Variants in TAFA2 observed in about 807,000 individuals in gnomAD.
TAFA2 encodes TAFA chemokine like family member 2, also known as chemokine-like protein TAFA-2.
A neutral mutation model predicts 18.8 loss-of-function variants in TAFA2; 7 were observed. The observed-to-expected ratio is 0.37, with a 90% CI of 0.21 to 0.70. The LOEUF (loss-of-function observed/expected upper bound fraction) is 0.70, where lower values mean the gene tolerates loss of function less well. Among genes scored for constraint, TAFA2 ranks in the 30% least tolerant of loss-of-function variants. The pLI, the probability that TAFA2 is intolerant of heterozygous loss-of-function variation, is 0.53. For synonymous variants in TAFA2, 60 were observed against 54.2 expected (o/e 1.11, Z -0.47); for missense variants, 122 against 158.1 (o/e 0.77, Z 1.23).
chr12:61,881,029 G>C (rs78072708), intron 1 of TAFA2, among the ~76,000 whole-genome samples: 4,026 of 152,046 alleles, frequency 0.026, 164 homozygotes, highest in East Asian at 0.12. Flanking sequence ...AAAAGAGTTT[G>C]ATAATGAAAA....
chr12:61,834,846 T>C (rs1011902285), intron 2 of TAFA2, among the ~76,000 whole-genome samples: 1 of 152,104 alleles, frequency 6.6e-6, no homozygotes, highest in African/African-American at 2.4e-5. Context: ...AAATTGATAA[T>C]ATTGCATAAC....
chr12:61,933,991 G>A (rs180977137), intron 1 of TAFA2, among the ~76,000 whole-genome samples: 62 of 152,252 alleles, frequency 4.1e-4, no homozygotes, highest in African/African-American at 1.2e-3. Context: ...AATTAGCATC[G>A]AATTTTATTT....
At chr12:61,857,524 C>A (rs539476753) in intron 2 of TAFA2, among the ~76,000 whole-genome samples, 1 of 152,104 alleles carries the variant, frequency 6.6e-6, no homozygotes, top group Non-Finnish European at 1.5e-5. Context: ...AAACATTTAG[C>A]TTTCTATATC....
At chr12:61,837,389 G>C (rs1480049731) in intron 2 of TAFA2, among the ~76,000 whole-genome samples, 1 of 151,914 alleles carries the variant, frequency 6.6e-6, no homozygotes, top group Non-Finnish European at 1.5e-5. Context: ...GTTCTTTAGA[G>C]ACATCATAAC....
intron 1 of TAFA2, among the ~76,000 whole-genome samples, chr12:62,167,641 C>T (rs920903469): frequency 2.6e-5 from 4 of 152,144 alleles, no homozygotes; most frequent in African/African-American, 9.7e-5. Context: ...TAAAAGTTCA[C>T]ATATCCTAGT....
intron 1 of TAFA2, among the ~76,000 whole-genome samples, chr12:61,964,735 G>C (rs1459589102): frequency 2.6e-5 from 4 of 151,722 alleles, no homozygotes; most frequent in Non-Finnish European, 5.9e-5. Context: ...TATTAATTTT[G>C]TACTTTCTGC....
At chr12:62,044,527 GT>G (rs1164747563) in intron 1 of TAFA2, among the ~76,000 whole-genome samples, 2 of 152,090 alleles carry the variant, frequency 1.3e-5, no homozygotes, top group Non-Finnish European at 2.9e-5. Context: ...CACCAGGCAG[GT>G]GTCAGCGTGG....
At chr12:62,202,703 ACTTTGTCT>A (rs754159590) in intron 1 of TAFA2, among the ~76,000 whole-genome samples, 2 of 151,010 alleles carry the variant, frequency 1.3e-5, no homozygotes, top group Non-Finnish European at 2.9e-5. Flanking sequence ...AGATCCTGGT[ACTTTGTCT>A]CTTTGTTCTG....
chr12:62,219,591 C>T (rs2062751960), intron 1 of TAFA2, among the ~76,000 whole-genome samples: 2 of 152,172 alleles, frequency 1.3e-5, no homozygotes, highest in East Asian at 3.9e-4. Context: ...ATAAAAGAAA[C>T]TTATTTTCTA....
At chr12:61,995,642 A>G (rs2136694016) in intron 1 of TAFA2, among the ~76,000 whole-genome samples, 1 of 152,264 alleles carries the variant, frequency 6.6e-6, no homozygotes, top group African/African-American at 2.4e-5. Flanking sequence ...ATTATGTGCA[A>G]GATTTAAGGG....
intron 1 of TAFA2, among the ~76,000 whole-genome samples, chr12:62,126,317 G>C (rs766821610): frequency 5.3e-5 from 8 of 152,034 alleles, no homozygotes; most frequent in Non-Finnish European, 8.8e-5. Context: ...ATCAGCTGTT[G>C]GGAGACAATT....
chr12:62,031,117 C>T (rs543834799), intron 1 of TAFA2, among the ~76,000 whole-genome samples: 2 of 152,158 alleles, frequency 1.3e-5, no homozygotes, highest in East Asian at 3.9e-4. Flanking sequence ...TACTGAGTGT[C>T]AATTTGATTG....
At chr12:61,735,085 C>T (rs987390048) in intron 4 of TAFA2, among the ~76,000 whole-genome samples, 1 of 151,910 alleles carries the variant, frequency 6.6e-6, no homozygotes, top group Non-Finnish European at 1.5e-5. Flanking sequence ...TTAGAGTTAA[C>T]CAATTCTTGT....
intron 2 of TAFA2, among the ~76,000 whole-genome samples, chr12:61,805,173 AT>A (rs1871559723): frequency 6.6e-6 from 1 of 151,932 alleles, no homozygotes; most frequent in Non-Finnish European, 1.5e-5. Flanking sequence ...ATTTTTTAGG[AT>A]TATTTAATAA....
intron 1 of TAFA2, among the ~76,000 whole-genome samples, chr12:61,978,592 C>G (rs117330873): frequency 6.6e-6 from 1 of 151,996 alleles, no homozygotes; most frequent in Non-Finnish European, 1.5e-5. Flanking sequence ...AACTGGATTT[C>G]CTCTTGGTTC....
intron 1 of TAFA2, among the ~76,000 whole-genome samples, chr12:61,982,789 A>G (rs1879681249): frequency 1.3e-5 from 2 of 151,536 alleles, no homozygotes; most frequent in African/African-American, 4.8e-5. Flanking sequence ...TGAGATGAGT[A>G]GTCATGAAAC....
intron 2 of TAFA2, among the ~76,000 whole-genome samples, chr12:61,775,298 C>G (rs1870209021): frequency 6.6e-6 from 1 of 151,830 alleles, no homozygotes; most frequent in Admixed American, 6.6e-5. Flanking sequence ...AGCAATAGTG[C>G]TCTTTGGTAC....
In TAFA2 at chr12:61,932,282, T is replaced by G. The variant is rs533808715; in HGVS notation, c.-1-64856A>C. On this transcript the variant is annotated intron_variant, in intron 1 of 4. Transcript: ENST00000416284. ...AAAAGATAAGGTGAGATGATGCACA[T>G]TCCTTTTTGAATGTGTTCAGATTTT... Among the ~76,000 whole-genome samples the G allele has an allele frequency of 1.9e-4, 29 of 152,354 alleles. No individual in the cohort carries two copies. In the South Asian group the frequency reaches 5.8e-3, roughly 30 times the overall value.
chr12:61,810,149 G>C (rs1871804962), intron 2 of TAFA2, among the ~76,000 whole-genome samples: 1 of 151,334 alleles, frequency 6.6e-6, no homozygotes, highest in South Asian at 2.1e-4. Flanking sequence ...CCCAAATACT[G>C]ATAAATGCAT....
Sources: gnomAD v4.1 joint callset for allele counts (sites outside exome capture counted in the v4.1 genomes callset) on GRCh38, gnomAD v4.1.1 for gene constraint, MANE v1.5 for transcripts, NCBI Gene and HGNC (gene_info 2026-07-23, HGNC 2026-07-21) for gene names.